Variants in CCDC178 observed in about 807,000 individuals in gnomAD.
CCDC178 encodes the protein coiled-coil domain containing 178, also known as coiled-coil domain-containing protein 178.
A neutral mutation model predicts 117.4 loss-of-function variants in CCDC178; 126 were observed. The observed-to-expected ratio is 1.07, with a 90% CI of 0.93 to 1.24. CCDC178 has a LOEUF of 1.24. Among genes scored for constraint, CCDC178 ranks in the 50% most tolerant of loss-of-function variants. The probability of loss-of-function intolerance (pLI) is 0.00; values close to 1 mark genes in which losing one functional copy is unlikely to be tolerated. For missense variants in CCDC178, 1,030 were observed against 986.9 expected (o/e 1.04, Z -0.59); for synonymous variants, 283 against 313.4 (o/e 0.90, Z 1.02).
At chr18:33,318,879 T>A (rs1489155827) in intron 11 of CCDC178, among the ~76,000 whole-genome samples, 1 of 152,004 alleles carries the variant, frequency 6.6e-6, no homozygotes, top group African/African-American at 2.4e-5. Flanking sequence ...GATTATGAAA[T>A]GTTATAATTA....
chr18:33,293,119 C>A lies in CCDC178; in HGVS notation c.1176+40G>T, dbSNP rs201399593. 3.0e-5 allele frequency: 42 copies of A among 1,397,136 alleles called. 1 individual carries two copies. The highest frequency in any genetic ancestry group is 1.2e-5 in the Non-Finnish European group (12 of 1,028,148). The allele number at this position is 1,397,136 out of a possible 1,614,324, so 86.5% of individuals were successfully genotyped here. A position where few individuals can be genotyped will look rare whatever the true frequency, so the allele number is the denominator to read the frequency against. ...AAAGTTTACTATTTATAACTCAAAA[C>A]AAAAATCAGTATTTTTTATTTCTAA... On this transcript the variant is annotated intron_variant, in intron 12 of 22. Transcript: ENST00000383096.
At chr18:33,143,117 G>T (rs1240681507) in intron 20 of CCDC178, among the ~76,000 whole-genome samples, 2 of 152,092 alleles carry the variant, frequency 1.3e-5, no homozygotes, top group African/African-American at 4.8e-5. Context: ...ACTCAGAGAG[G>T]GATATAGAAA....
At chr18:33,346,173 A>C (rs756211691) in intron 9 of CCDC178, 38 bp downstream of exon 9, 1 of 1,455,652 alleles carries the variant, frequency 6.9e-7, no homozygotes, top group Non-Finnish European at 9.5e-7. Flanking sequence ...CTGTGCCCCC[A>C]ACAGAATAAG....
intron 20 of CCDC178, among the ~76,000 whole-genome samples, chr18:33,195,536 G>C (rs1223973896): frequency 6.6e-6 from 1 of 152,064 alleles, no homozygotes; most frequent in Non-Finnish European, 1.5e-5. Context: ...TGCCAAGCCT[G>C]CTTTTCCTCC....
At position 33,440,020 on chromosome 18, in the gene CCDC178, GTA is replaced by G. The variant is rs1183371601; in HGVS notation, c.-83_-82del. On this transcript the variant is annotated 5_prime_UTR_variant, in exon 2 of 23. Transcript: ENST00000383096. ...ATTTGGGGTGCTTTCGAGCAAGCAA[GTA>G]TAAAATTCTCAGCCTCTCCGCCAGG... The G allele has an allele frequency of 6.6e-6, 1 of 152,132 alleles. No homozygotes were observed. The highest frequency in any genetic ancestry group is 2.4e-5 in the African/African-American group (1 of 41,434). 9.4% of individuals were successfully genotyped at this position (152,132 alleles called of 1,614,324 possible).
chr18:33,306,636 G>T, intron 11 of CCDC178, among the ~76,000 whole-genome samples: 1 of 144,548 alleles, frequency 6.9e-6, no homozygotes, highest in African/African-American at 2.6e-5. Flanking sequence ...ATATATATAA[G>T]GTTATATGTT....
At chr18:33,072,411 A>G (rs2057125257) in intron 21 of CCDC178, among the ~76,000 whole-genome samples, 2 of 152,282 alleles carry the variant, frequency 1.3e-5, no homozygotes, top group Non-Finnish European at 1.5e-5. Context: ...ATATTTACAA[A>G]TATATAATAT....
chr18:33,155,903 A>T (rs1308153204), intron 20 of CCDC178, among the ~76,000 whole-genome samples: 1 of 152,004 alleles, frequency 6.6e-6, no homozygotes, highest in Non-Finnish European at 1.5e-5. Context: ...ATTCATACTT[A>T]ATTGTATATA....
intron 5 of CCDC178, among the ~76,000 whole-genome samples, chr18:33,383,140 T>C: frequency 6.6e-6 from 1 of 152,168 alleles, no homozygotes; most frequent in East Asian, 1.9e-4. Context: ...AGACTGCTTC[T>C]TTAGATCCCT....
chr18:33,217,702 A>C (rs1430923148), intron 18 of CCDC178, among the ~76,000 whole-genome samples: 2 of 152,032 alleles, frequency 1.3e-5, no homozygotes, highest in East Asian at 3.9e-4. Flanking sequence ...GTGATTCTGA[A>C]ATATTTCTAG....
intron 11 of CCDC178, among the ~76,000 whole-genome samples, chr18:33,306,859 T>C (rs951710404): frequency 6.6e-6 from 1 of 152,092 alleles, no homozygotes; most frequent in Non-Finnish European, 1.5e-5. Flanking sequence ...ATTCTCATGA[T>C]AATAAGTTAT....
chr18:33,351,557 TTTTG>T (rs574949822), intron 7 of CCDC178, among the ~76,000 whole-genome samples: 24 of 152,224 alleles, frequency 1.6e-4, no homozygotes, highest in African/African-American at 5.5e-4. Flanking sequence ...TTTTGTCATT[TTTTG>T]TTTGTTTGTT....
At chr18:33,127,080 A>G (rs187768935) in intron 20 of CCDC178, among the ~76,000 whole-genome samples, 4 of 151,044 alleles carry the variant, frequency 2.6e-5, no homozygotes, top group Admixed American at 2.6e-4. Flanking sequence ...TCAAATATTT[A>G]TATTTAATAT....
chr18:33,163,084 G>A (rs1445083224), intron 20 of CCDC178, among the ~76,000 whole-genome samples: 3 of 151,934 alleles, frequency 2.0e-5, no homozygotes, highest in Non-Finnish European at 2.9e-5. Context: ...CCACAACCTC[G>A]CCAGTATCTG....
intron 22 of CCDC178, chr18:32,958,274 C>A: frequency 4.5e-6 from 2 of 444,386 alleles, no homozygotes; most frequent in South Asian, 3.1e-5. Flanking sequence ...GAGTTTGTGG[C>A]AAAAAATGCT....
intron 21 of CCDC178, among the ~76,000 whole-genome samples, chr18:33,062,323 A>G (rs1219857196): frequency 6.6e-6 from 1 of 152,200 alleles, no homozygotes; most frequent in Non-Finnish European, 1.5e-5. Flanking sequence ...AGAGAAAAAA[A>G]TTGGTTAAAC....
intron 9 of CCDC178, among the ~76,000 whole-genome samples, chr18:33,336,881 C>A (rs1228578778): frequency 6.6e-6 from 1 of 151,712 alleles, no homozygotes; most frequent in Non-Finnish European, 1.5e-5. Context: ...TATGCAGACT[C>A]TTTTTTTTGG....
chr18:33,348,302 A>G (rs1407779316), intron 8 of CCDC178, among the ~76,000 whole-genome samples: 2 of 151,860 alleles, frequency 1.3e-5, no homozygotes, highest in Admixed American at 1.3e-4. Context: ...TAAAATCTCA[A>G]TAATATATTT....
chr18:33,131,819 T>C (rs1400095429), intron 20 of CCDC178, among the ~76,000 whole-genome samples: 1 of 151,760 alleles, frequency 6.6e-6, no homozygotes, highest in Non-Finnish European at 1.5e-5. Flanking sequence ...TGACAACCAC[T>C]AAATATAATT....
Sources: allele counts gnomAD v4.1 joint callset (sites outside exome capture counted in the v4.1 genomes callset), GRCh38; gene constraint gnomAD v4.1.1; transcripts MANE v1.5; gene names NCBI Gene and HGNC (gene_info 2026-07-23, HGNC 2026-07-21).